Variants in SACM1L observed in about 807,000 individuals in gnomAD.
The protein encoded by SACM1L is SAC1 like phosphatidylinositide phosphatase.
In SACM1L, 32 loss-of-function variants were observed where a neutral mutation model predicts 89.5. The observed-to-expected ratio is 0.36, with a 90% confidence interval of 0.27 to 0.48. The LOEUF is 0.48. Among genes scored for constraint, SACM1L ranks in the 20% least tolerant of loss-of-function variants. The pLI is 0.99. For synonymous variants in SACM1L, 213 were observed against 232.8 expected, an observed-to-expected ratio of 0.92 and a Z score of 0.77; for missense variants, 543 against 708.5, an observed-to-expected ratio of 0.77 and a Z score of 2.65.
intron 14 of SACM1L, among the ~76,000 whole-genome samples, chr3:45,736,872 C>G (rs1699210829): frequency 1.3e-5 from 2 of 152,142 alleles, no homozygotes; most frequent in South Asian, 4.2e-4. Context: ...GAGTTCTTAC[C>G]CAGCTAAAGG....
intron 13 of SACM1L, 52 bp downstream of exon 13, chr3:45,732,203 G>C (rs777438828): frequency 2.8e-6 from 3 of 1,053,574 alleles, no homozygotes. Context: ...ATATATATCA[G>C]TCATATTTTA....
chr3:45,745,217 T>A lies in SACM1L; in HGVS notation c.*1548T>A, dbSNP rs528803436. ...TTTAAATGCTGCTGGGCATTTCACT[T>A]AAAGAACTTAATGTCAACAGCTACA... On this transcript the variant is annotated 3_prime_UTR_variant, in exon 20 of 20. Coordinates refer to ENST00000389061, the MANE Select transcript of SACM1L (RefSeq NM_014016.5). The A allele has an allele frequency of 6.5e-6, 1 of 152,760 alleles. No individual in the cohort carries two copies. The highest frequency in any genetic ancestry group is 2.1e-4 in the South Asian group (1 of 4,832). 9.5% of individuals were successfully genotyped at this position (152,760 alleles called of 1,614,324 possible). A position where few individuals can be genotyped will look rare whatever the true frequency, so the allele number is the denominator to read the frequency against.
At chr3:45,716,262 C>T (rs560721418) in intron 7 of SACM1L, among the ~76,000 whole-genome samples, 29 of 152,160 alleles carry the variant, frequency 1.9e-4, no homozygotes, top group African/African-American at 6.7e-4. Flanking sequence ...TCCTTTGAGG[C>T]CAGGAGTTCA....
chr3:45,690,816 A>G (rs1186123924), intron 1 of SACM1L, among the ~76,000 whole-genome samples: 1 of 152,066 alleles, frequency 6.6e-6, no homozygotes, highest in Non-Finnish European at 1.5e-5. Flanking sequence ...AGTGTCTTCC[A>G]CTGCGTTTCT....
chr3:45,737,454 A>C, intron 14 of SACM1L, 129 bp from the exon 15 acceptor site: 1 of 924,074 alleles, frequency 1.1e-6, no homozygotes, highest in South Asian at 1.4e-5. Context: ...CCCTATAGAC[A>C]ACAGACATTT....
chr3:45,733,286 C>G (rs1354006569), intron 13 of SACM1L, among the ~76,000 whole-genome samples: 2 of 152,198 alleles, frequency 1.3e-5, no homozygotes, highest in Admixed American at 6.5e-5. Flanking sequence ...TGGGAAGAAT[C>G]TGGGCTTTGG....
At chr3:45,721,504 A>G (rs577573565) in intron 8 of SACM1L, among the ~76,000 whole-genome samples, 69 of 152,384 alleles carry the variant, frequency 4.5e-4, no homozygotes, top group African/African-American at 1.5e-3. Flanking sequence ...CCTGGGCAAC[A>G]AGAGCGAAAC....
chr3:45,716,956 A>G (rs1698676429), intron 7 of SACM1L, among the ~76,000 whole-genome samples: 1 of 152,216 alleles, frequency 6.6e-6, no homozygotes, highest in Admixed American at 6.5e-5. Flanking sequence ...TAAAGCAGTC[A>G]GTCATATTCT....
chr3:45,743,397 T>A, intron 19 of SACM1L, 136 bp from the exon 20 acceptor site: 1 of 882,712 alleles, frequency 1.1e-6, no homozygotes, highest in Non-Finnish European at 1.7e-6. Flanking sequence ...GTTTAAACCT[T>A]AATTAAGAGG....
chr3:45,713,171 T>C lies in SACM1L; in HGVS notation c.518T>C (p.Leu173Pro). ...DQRFVWNGHL[L>P]RELSAQPEVH... The stretch of plus-strand genomic sequence containing the variant: ...CGGTTTGTATGGAATGGTCATCTTC[T>C]AAGAGAACTTTCTGCACAGCCAGAG... The change falls in exon 6 of 20, where the codon CTA becomes CCA. Residue 173 changes from leucine to proline, a missense_variant. Coordinates refer to ENST00000389061, the MANE Select transcript of SACM1L (RefSeq NM_014016.5). 6.2e-7 allele frequency: 1 copy of C among 1,612,764 alleles called. No homozygotes were observed. The highest frequency in any genetic ancestry group is 8.5e-7 in the Non-Finnish European group (1 of 1,179,594).
intron 19 of SACM1L, among the ~76,000 whole-genome samples, chr3:45,741,755 G>GT (rs1380620550): frequency 6.6e-6 from 1 of 152,194 alleles, no homozygotes; most frequent in African/African-American, 2.4e-5. Flanking sequence ...GAGCCAGGTA[G>GT]TAAATATTTT....
intron 5 of SACM1L, 92 bp from the exon 6 acceptor site, chr3:45,713,045 C>A: frequency 9.9e-7 from 1 of 1,009,668 alleles, no homozygotes; most frequent in Non-Finnish European, 1.5e-6. Context: ...GGCTTCTAGC[C>A]ATCAGAAAGA....
chr3:45,711,158 T>C (rs138057906), intron 5 of SACM1L, among the ~76,000 whole-genome samples: 1 of 152,162 alleles, frequency 6.6e-6, no homozygotes, highest in East Asian at 1.9e-4. Flanking sequence ...AAGTAAGGTA[T>C]CTACAGAGGA....
intron 2 of SACM1L, 30 bp downstream of exon 2, chr3:45,703,565 G>A: frequency 7.0e-7 from 1 of 1,438,616 alleles, no homozygotes; most frequent in Non-Finnish European, 9.8e-7. Flanking sequence ...AGAAGTTTAG[G>A]GAGAAAGATT....
intron 4 of SACM1L, among the ~76,000 whole-genome samples, chr3:45,708,330 A>T (rs766990457): frequency 6.6e-6 from 1 of 152,166 alleles, no homozygotes; most frequent in Non-Finnish European, 1.5e-5. Context: ...TTTAAAGTCA[A>T]CATTGTTTAG....
intron 19 of SACM1L, chr3:45,739,955 G>GA: frequency 5.3e-6 from 2 of 375,512 alleles, no homozygotes; most frequent in East Asian, 1.1e-4. Flanking sequence ...ACCTGCCCAG[G>GA]AAAAAGAGAC....
intron 1 of SACM1L, among the ~76,000 whole-genome samples, chr3:45,697,667 T>C (rs572313403): frequency 8.5e-5 from 13 of 152,340 alleles, no homozygotes; most frequent in South Asian, 8.3e-4. Flanking sequence ...GCAATTATTA[T>C]ACAAGTATTA....
At position 45,735,256 on chromosome 3, in the gene SACM1L, T is replaced by A. The variant is rs1346741244; in HGVS notation, c.1122T>A (p.Ala374=). 1.2e-6 allele frequency: 2 copies of A among 1,612,410 alleles called. No homozygotes were observed. Among genetic ancestry groups the A allele is most frequent in the Non-Finnish European group, 1.7e-6 (2 of 1,179,670 alleles). Reference sequence around the variant, plus strand: ...TTAGTTATTTTCTAGTGGACTCTGCTGGCCAGGTGGTGGCAAACCAGGAAG... The same window carrying A: ...TTAGTTATTTTCTAGTGGACTCTGCAGGCCAGGTGGTGGCAAACCAGGAAG... The part of the protein sequence containing the change: ...DELSYFLVDS[A]GQVVANQEGV... The change falls in exon 14 of 20, where the codon GCT becomes GCA. Residue 374 remains alanine (A), a synonymous_variant. Transcript: ENST00000389061.
At chr3:45,721,688 AAAG>A (rs1698791677) in intron 8 of SACM1L, among the ~76,000 whole-genome samples, 1 of 152,084 alleles carries the variant, frequency 6.6e-6, no homozygotes. Context: ...TTTTTCTTTA[AAAG>A]ATGTCTCAAG....
Sources: allele counts gnomAD v4.1 joint callset (sites outside exome capture counted in the v4.1 genomes callset), GRCh38; gene constraint gnomAD v4.1.1; transcripts MANE v1.5; gene names NCBI Gene and HGNC (gene_info 2026-07-23, HGNC 2026-07-21).